The following HMCN1 variants were observed in gnomAD, a reference collection of about 807,000 sequenced individuals.
HMCN1 encodes the protein hemicentin 1.
A neutral mutation model predicts 625.9 loss-of-function variants in HMCN1; 321 were observed. That is an observed-to-expected ratio of 0.51 (90% confidence interval 0.47 to 0.56). The LOEUF (loss-of-function observed/expected upper bound fraction) is 0.56, where lower values mean the gene tolerates loss of function less well. HMCN1 is among the 20% of genes least tolerant of loss of function. The pLI, the probability that HMCN1 is intolerant of heterozygous loss-of-function variation, is 0.00. For missense variants in HMCN1, 6,588 were observed against 6,887.3 expected, an observed-to-expected ratio of 0.96 and a Z score of 1.54; for synonymous variants, 2,425 against 2,417.6, an observed-to-expected ratio of 1.00 and a Z score of -0.09.
At chr1:185,967,779 G>T (rs1571633732) in intron 14 of HMCN1, among the ~76,000 whole-genome samples, 1 of 152,154 alleles carries the variant, frequency 6.6e-6, no homozygotes, top group Non-Finnish European at 1.5e-5. Flanking sequence ...AACCATAGGG[G>T]TGAGGAGGAA....
At chr1:185,984,087 A>G (rs559765545) in intron 18 of HMCN1, 82 bp from the exon 19 acceptor site, 1 of 1,120,650 alleles carries the variant, frequency 8.9e-7, no homozygotes, top group African/African-American at 1.6e-5. Flanking sequence ...CCCAGTTGGG[A>G]AAAAAAGAAA....
chr1:186,132,846 A>ATG lies in HMCN1; in HGVS notation c.13312+439_13312+440dup, dbSNP rs535748623. ...GTGTGATGTTCCCCTTCCTGTGTCC[A>ATG]TGTTCTCATTGTTCAGTTCCCACCT... On this transcript the variant is annotated intron_variant, in intron 86 of 106. Transcript: ENST00000271588. 2.2e-3 allele frequency among the ~76,000 whole-genome samples: 325 copies of ATG among 150,364 alleles called. 1 individual carries two copies. The highest frequency in any genetic ancestry group is 3.7e-3 in the Non-Finnish European group (248 of 67,508).
rs770404103 is a variant in HMCN1 at position 186,087,774 on chromosome 1, C to A, written c.9363+129C>A. ...TCATTAAAAAAATACATAGCCAATG[C>A]CATTGACTATTTTTATAAAAAATAG... On this transcript the variant is annotated intron_variant, in intron 60 of 106. Transcript: ENST00000271588. 1.5e-4 allele frequency: 176 copies of A among 1,148,330 alleles called. 1 individual carries two copies. Among genetic ancestry groups the A allele is most frequent in the Non-Finnish European group, 2.1e-4 (165 of 768,358 alleles). 71.1% of individuals were successfully genotyped at this position (1,148,330 alleles called of 1,614,324 possible).
chr1:186,007,372 C>G (rs1025732373), intron 30 of HMCN1, 90 bp downstream of exon 30: 1 of 1,213,706 alleles, frequency 8.2e-7, no homozygotes. Flanking sequence ...TTATTTCATA[C>G]TGAATAATTT....
intron 20 of HMCN1, among the ~76,000 whole-genome samples, chr1:185,988,918 A>G (rs1652185426): frequency 6.6e-6 from 1 of 152,036 alleles, no homozygotes; most frequent in Non-Finnish European, 1.5e-5. Flanking sequence ...TCACTGTACC[A>G]TCCTTATCAT....
At chr1:185,908,327 A>G (rs1191754847) in intron 4 of HMCN1, among the ~76,000 whole-genome samples, 1 of 151,994 alleles carries the variant, frequency 6.6e-6, no homozygotes, top group Non-Finnish European at 1.5e-5. Flanking sequence ...CTAAATTTCA[A>G]AAAATGTTTT....
intron 4 of HMCN1, among the ~76,000 whole-genome samples, chr1:185,907,574 T>A (rs1051253280): frequency 6.6e-6 from 1 of 152,038 alleles, no homozygotes; most frequent in Non-Finnish European, 1.5e-5. Flanking sequence ...TCTGTCTCAG[T>A]GTTCTTGCTC....
intron 30 of HMCN1, 51 bp from the exon 31 acceptor site, chr1:186,015,108 T>A (rs1253255992): frequency 6.7e-7 from 1 of 1,495,886 alleles, no homozygotes; most frequent in Admixed American, 1.7e-5. Context: ...AAGATTTTGA[T>A]GAAGATGCTG....
intron 1 of HMCN1, among the ~76,000 whole-genome samples, chr1:185,785,207 A>G (rs1657477050): frequency 6.6e-6 from 1 of 152,178 alleles, no homozygotes; most frequent in Non-Finnish European, 1.5e-5. Context: ...AAATAGGTAG[A>G]TAGGTATTGC....
rs368274217 is a variant in HMCN1 at position 185,909,207 on chromosome 1, A to G, written c.622-130A>G. 1.7e-5 allele frequency: 12 copies of G among 697,216 alleles called. 1 individual carries two copies. Among genetic ancestry groups the G allele is most frequent in the African/African-American group, 1.1e-4 (6 of 56,568 alleles). The allele number at this position is 697,216 out of a possible 1,614,324, so 43.2% of individuals were successfully genotyped here. ...AGAAAGAGTCCTATCTTCAGTAATG[A>G]CCGAAATAAATTTCACACCAGTCCA... On this transcript the variant is annotated intron_variant, in intron 4 of 106. Transcript: ENST00000271588.
At chr1:186,114,218 A>T (rs1246573711) in intron 73 of HMCN1, 95 bp downstream of exon 73, 9 of 1,218,536 alleles carry the variant, frequency 7.4e-6, no homozygotes, top group Non-Finnish European at 1.2e-6. Flanking sequence ...CATTATGTTT[A>T]GAATCAGCAT....
At chr1:185,983,468 C>T (rs900694318) in intron 18 of HMCN1, among the ~76,000 whole-genome samples, 31 of 152,150 alleles carry the variant, frequency 2.0e-4, no homozygotes, top group African/African-American at 6.7e-4. Flanking sequence ...TGAATTGACT[C>T]CATCTAAGAA....
intron 46 of HMCN1, among the ~76,000 whole-genome samples, chr1:186,057,950 G>A (rs1304335240): frequency 2.0e-5 from 3 of 151,924 alleles, no homozygotes; most frequent in Non-Finnish European, 4.4e-5. Flanking sequence ...GTAGAGAGAG[G>A]CAAGCTGCAG....
chr1:186,146,690 A>C (rs547878389), intron 93 of HMCN1, among the ~76,000 whole-genome samples: 4 of 152,322 alleles, frequency 2.6e-5, no homozygotes, highest in Admixed American at 6.5e-5. Context: ...TTGATAGTCC[A>C]CTACCATCAA....
At chr1:185,925,295 C>T in intron 9 of HMCN1, 104 bp downstream of exon 9, 2 of 1,154,744 alleles carry the variant, frequency 1.7e-6, no homozygotes, top group Non-Finnish European at 2.6e-6. Flanking sequence ...TCACTTGCTA[C>T]ATAGTCTGGA....
chr1:185,884,158 C>G (rs969941449), intron 4 of HMCN1, among the ~76,000 whole-genome samples: 1 of 151,682 alleles, frequency 6.6e-6, no homozygotes, highest in Non-Finnish European at 1.5e-5. Flanking sequence ...TCTAATTTCA[C>G]CATGTATTCA....
intron 5 of HMCN1, among the ~76,000 whole-genome samples, chr1:185,911,337 A>G (rs1211859637): frequency 2.6e-5 from 4 of 152,174 alleles, no homozygotes; most frequent in African/African-American, 9.7e-5. Context: ...TTGATGATCA[A>G]GTCAGCATAA....
At position 185,987,365 on chromosome 1, in the gene HMCN1, A is replaced by G. The variant is rs2102017940; in HGVS notation, c.2936-67A>G. On this transcript the variant is annotated intron_variant, in intron 19 of 106. Coordinates refer to ENST00000271588, the MANE Select transcript of HMCN1 (RefSeq NM_031935.3). ...ATTGATGTTGTAATGAAAATGTTCAACTTTAAATAGATGATTTTAAATGGA... is the reference window on the plus strand; with the variant it reads ...ATTGATGTTGTAATGAAAATGTTCAGCTTTAAATAGATGATTTTAAATGGA... 3 of 962,334 alleles carry G rather than the reference A, an allele frequency of 3.1e-6. No homozygotes were observed. The South Asian group carries it at 3.9e-5, about 12-fold the overall frequency. 59.6% of individuals were successfully genotyped at this position (962,334 alleles called of 1,614,324 possible).
At position 186,179,298 on chromosome 1, in the gene HMCN1, T is replaced by G. The variant is rs183384042; in HGVS notation, c.16294+532T>G. Among the ~76,000 whole-genome samples the G allele has an allele frequency of 1.1e-4, 17 of 152,358 alleles. No homozygotes were observed. The East Asian group carries it at 2.7e-3, about 24-fold the overall frequency. On this transcript the variant is annotated intron_variant, in intron 104 of 106. Coordinates refer to ENST00000271588, the MANE Select transcript of HMCN1 (RefSeq NM_031935.3). ...TTTGTACGTCACTGAAAAGATAATA[T>G]GAGTTGGGACAAAATTAAGTTGTTT... is the stretch of plus-strand genomic sequence containing the variant.
Sources: allele counts gnomAD v4.1 joint callset (sites outside exome capture counted in the v4.1 genomes callset), GRCh38; gene constraint gnomAD v4.1.1; transcripts MANE v1.5; gene names NCBI Gene and HGNC (gene_info 2026-07-23, HGNC 2026-07-21).